MSR1: variants seen among roughly 807,000 people sequenced by gnomAD.
MSR1 encodes the protein macrophage scavenger receptor 1.
In MSR1, 53 loss-of-function variants were observed where a neutral mutation model predicts 47.2. The observed-to-expected ratio is 1.12, with a 90% CI of 0.90 to 1.41. The LOEUF (loss-of-function observed/expected upper bound fraction) is 1.41. MSR1 is among the 40% of genes most tolerant of loss of function. The pLI, the probability that MSR1 is intolerant of heterozygous loss-of-function variation, is 0.00. For synonymous variants in MSR1, 239 were observed against 185.6 expected, an observed-to-expected ratio of 1.29 and a Z score of -2.34; for missense variants, 786 against 546.9, an observed-to-expected ratio of 1.44 and a Z score of -4.36.
At chr8:16,188,048 A>G (rs1036014761) in intron 1 of MSR1, among the ~76,000 whole-genome samples, 11 of 152,158 alleles carry the variant, frequency 7.2e-5, no homozygotes, top group Non-Finnish European at 1.6e-4. Context: ...GTAGCTTCAC[A>G]TAAAGTTACT....
intron 5 of MSR1, among the ~76,000 whole-genome samples, chr8:16,156,856 A>G (rs576354807): frequency 2.1e-4 from 32 of 152,050 alleles, no homozygotes; most frequent in African/African-American, 7.2e-4. Context: ...TATCAAAGGG[A>G]ATCTCTATGT....
chr8:16,128,736 C>G (rs1361666438), intron 8 of MSR1, among the ~76,000 whole-genome samples: 2 of 152,122 alleles, frequency 1.3e-5, no homozygotes, highest in Non-Finnish European at 2.9e-5. Flanking sequence ...AGCTACCATA[C>G]TTGCTATGTT....
chr8:16,152,655 T>G (rs755631599), intron 6 of MSR1, among the ~76,000 whole-genome samples: 12 of 152,076 alleles, frequency 7.9e-5, no homozygotes, highest in Non-Finnish European at 1.6e-4. Flanking sequence ...AAACAGCTTC[T>G]TAGATGGCCC....
intron 8 of MSR1, among the ~76,000 whole-genome samples, chr8:16,132,113 T>C (rs1295815522): frequency 2.0e-5 from 3 of 152,094 alleles, no homozygotes; most frequent in Non-Finnish European, 4.4e-5. Flanking sequence ...ATTCTTCCTA[T>C]CCATGAGCTT....
intron 9 of MSR1, among the ~76,000 whole-genome samples, chr8:16,112,682 A>T (rs917724739): frequency 4.6e-5 from 7 of 152,044 alleles, no homozygotes; most frequent in African/African-American, 1.4e-4. Context: ...TCTTTAGATA[A>T]TAACTGTTAT....
chr8:16,154,977 TA>T, intron 6 of MSR1, 86 bp downstream of exon 6: 1 of 1,125,094 alleles, frequency 8.9e-7, no homozygotes, highest in Non-Finnish European at 1.3e-6. Context: ...AGGATATAAA[TA>T]AAATAGCAAT....
intron 1 of MSR1, among the ~76,000 whole-genome samples, chr8:16,183,840 T>A (rs201754367): frequency 1.4e-5 from 2 of 144,198 alleles, no homozygotes; most frequent in Non-Finnish European, 3.0e-5. Context: ...ATTTTATATA[T>A]CATAGAATTG....
At chr8:16,144,020 A>G (rs1800631424) in intron 7 of MSR1, among the ~76,000 whole-genome samples, 1 of 151,998 alleles carries the variant, frequency 6.6e-6, no homozygotes, top group Non-Finnish European at 1.5e-5. Flanking sequence ...ATTTCTTTAG[A>G]GTGTACCATC....
intron 1 of MSR1, among the ~76,000 whole-genome samples, chr8:16,182,233 G>A (rs560451977): frequency 2.0e-5 from 3 of 152,268 alleles, no homozygotes; most frequent in East Asian, 3.9e-4. Context: ...TAAAAGATAC[G>A]AAGTTCTGCA....
intron 8 of MSR1, among the ~76,000 whole-genome samples, chr8:16,129,724 G>C (rs1423514464): frequency 6.6e-6 from 1 of 151,892 alleles, no homozygotes; most frequent in East Asian, 1.9e-4. Flanking sequence ...CTCCAGCCTG[G>C]GTCACAGAAA....
chr8:16,120,344 T>G lies in MSR1; in HGVS notation c.1222+74A>C, dbSNP rs34633776. 2.5e-4 allele frequency: 384 copies of G among 1,529,694 alleles called. 4 individuals carry two copies. In the African/African-American group the frequency reaches 5.0e-3, roughly 20 times the overall value. The allele number at this position is 1,529,694 out of a possible 1,614,324, so 94.8% of individuals were successfully genotyped here. ...GTGAGCCGAGATCGCGCCACTGCACTCCAGTCTGGGCGACAGAATGAGACT... is the reference window on the plus strand; with the variant it reads ...GTGAGCCGAGATCGCGCCACTGCACGCCAGTCTGGGCGACAGAATGAGACT... On this transcript the variant is annotated intron_variant, in intron 9 of 9. Coordinates refer to ENST00000262101, the MANE Select transcript of MSR1 (RefSeq NM_138715.3).
intron 9 of MSR1, among the ~76,000 whole-genome samples, chr8:16,110,815 G>C (rs1036552011): frequency 6.6e-6 from 1 of 152,140 alleles, no homozygotes; most frequent in Non-Finnish European, 1.5e-5. Flanking sequence ...CATGGATTAA[G>C]AATGCTACTG....
At chr8:16,121,177 G>C (rs1226339392) in intron 8 of MSR1, 1 of 421,370 alleles carries the variant, frequency 2.4e-6, no homozygotes, top group African/African-American at 2.0e-5. Context: ...GAGGTTCCTG[G>C]ATTCTGTAAC....
chr8:16,167,374 G>A (rs948249325), intron 4 of MSR1, among the ~76,000 whole-genome samples: 1 of 152,022 alleles, frequency 6.6e-6, no homozygotes, highest in Admixed American at 6.6e-5. Context: ...TGCAAACTCT[G>A]TCTCCACTAA....
intron 3 of MSR1, among the ~76,000 whole-genome samples, chr8:16,174,330 T>C (rs1210603478): frequency 6.6e-6 from 1 of 152,264 alleles, no homozygotes; most frequent in East Asian, 1.9e-4. Context: ...TTAGAGCACA[T>C]GGGCAGACAT....
At chr8:16,163,722 TG>T (rs956690760) in intron 5 of MSR1, among the ~76,000 whole-genome samples, 58 of 151,904 alleles carry the variant, frequency 3.8e-4, no homozygotes, top group African/African-American at 1.4e-3. Flanking sequence ...CTGGAAGTTT[TG>T]GAAAAGCAAT....
chr8:16,181,921 AC>A (rs1037597446), intron 1 of MSR1, among the ~76,000 whole-genome samples: 1 of 152,234 alleles, frequency 6.6e-6, no homozygotes, highest in African/African-American at 2.4e-5. Flanking sequence ...GTTCAAGTAT[AC>A]CTGGTATGTA....
chr8:16,146,814 A>G (rs1800711876), intron 7 of MSR1, among the ~76,000 whole-genome samples: 1 of 152,140 alleles, frequency 6.6e-6, no homozygotes, highest in African/African-American at 2.4e-5. Flanking sequence ...GTGGTTCTGA[A>G]TAATATTTAT....
At chr8:16,121,868 T>G (rs557475636) in intron 8 of MSR1, among the ~76,000 whole-genome samples, 80 of 152,076 alleles carry the variant, frequency 5.3e-4, no homozygotes, top group African/African-American at 1.9e-3. Context: ...CAGTTTGAAT[T>G]CATTTTGTTA....
Sources: allele counts gnomAD v4.1 joint callset (sites outside exome capture counted in the v4.1 genomes callset), GRCh38; gene constraint gnomAD v4.1.1; transcripts MANE v1.5; gene names NCBI Gene and HGNC (gene_info 2026-07-23, HGNC 2026-07-21).